ZNF804A: variants seen among roughly 807,000 people sequenced by gnomAD.
The protein encoded by ZNF804A is zinc finger protein 804A.
ZNF804A carries 2 observed loss-of-function variants against 16.5 expected under a neutral mutation model. The ratio of observed to expected loss-of-function variants is 0.12; its 90% confidence interval spans 0.05 to 0.38. The LOEUF is 0.38. ZNF804A is among the 10% of genes least tolerant of loss of function. The pLI is 0.99. For missense variants in ZNF804A, 1,473 were observed against 1,390.7 expected (o/e 1.06, Z -0.94); for synonymous variants, 534 against 489.6 (o/e 1.09, Z -1.20).
At chr2:184,859,964 A>C (rs1695770827) in intron 1 of ZNF804A, among the ~76,000 whole-genome samples, 2 of 152,180 alleles carry the variant, frequency 1.3e-5, no homozygotes. Context: ...CCCACTAGGA[A>C]GGGTTTGGCA....
chr2:184,888,484 C>T (rs1300438419), intron 2 of ZNF804A, among the ~76,000 whole-genome samples: 1 of 152,034 alleles, frequency 6.6e-6, no homozygotes, highest in African/African-American at 2.4e-5. Flanking sequence ...ATTTAGATCC[C>T]TTGCTCAATT....
intron 1 of ZNF804A, among the ~76,000 whole-genome samples, chr2:184,784,614 T>C (rs1321074398): frequency 6.6e-6 from 1 of 151,974 alleles, no homozygotes; most frequent in African/African-American, 2.4e-5. Flanking sequence ...AAGTTTGCAA[T>C]TGGACAAAAC....
At chr2:184,687,316 A>G (rs1305549471) in intron 1 of ZNF804A, among the ~76,000 whole-genome samples, 1 of 152,206 alleles carries the variant, frequency 6.6e-6, no homozygotes, top group Non-Finnish European at 1.5e-5. Flanking sequence ...GGCCTTGTCA[A>G]AGATCAGAAA....
intron 1 of ZNF804A, among the ~76,000 whole-genome samples, chr2:184,718,157 A>T (rs1022276234): frequency 2.6e-5 from 4 of 152,190 alleles, no homozygotes; most frequent in African/African-American, 9.7e-5. Context: ...GGCAGCAGAC[A>T]AGAGAAGAGG....
At chr2:184,909,577 A>G (rs1685326182) in intron 2 of ZNF804A, among the ~76,000 whole-genome samples, 1 of 152,178 alleles carries the variant, frequency 6.6e-6, no homozygotes, top group South Asian at 2.1e-4. Context: ...TAAAATGTTC[A>G]TGGTATTTAT....
rs548671806 is a variant in ZNF804A at position 184,710,482 on chromosome 2, T to C, written c.111+111412T>C. ...ACCTTATAATTTTAATCTTCATAAA[T>C]TTTACCCTTTCTTTCTTGCTTTTAT... is the stretch of plus-strand genomic sequence containing the variant. On this transcript the variant is annotated intron_variant, in intron 1 of 3. Coordinates refer to ENST00000302277, the MANE Select transcript of ZNF804A (RefSeq NM_194250.2). Among the ~76,000 whole-genome samples the C allele has an allele frequency of 2.6e-5, 4 of 151,838 alleles. 1 individual carries two copies. In the South Asian group the frequency reaches 6.2e-4, roughly 24 times the overall value.
chr2:184,620,407 C>T (rs993040134), intron 1 of ZNF804A, among the ~76,000 whole-genome samples: 1 of 151,848 alleles, frequency 6.6e-6, no homozygotes, highest in South Asian at 2.1e-4. Context: ...AAGAGGAAGA[C>T]TATCTGTGAA....
chr2:184,846,613 G>A (rs907720227), intron 1 of ZNF804A, among the ~76,000 whole-genome samples: 7 of 152,058 alleles, frequency 4.6e-5, no homozygotes, highest in South Asian at 4.2e-4. Flanking sequence ...AAATTCCCCC[G>A]ACAGCCCTGA....
At chr2:184,692,060 TTA>T (rs1379729608) in intron 1 of ZNF804A, among the ~76,000 whole-genome samples, 48 of 152,290 alleles carry the variant, frequency 3.2e-4, no homozygotes, top group African/African-American at 1.2e-3. Flanking sequence ...TTTTAAGGCT[TTA>T]TGTCTTTGTC....
At chr2:184,890,591 A>G (rs1684966018) in intron 2 of ZNF804A, among the ~76,000 whole-genome samples, 1 of 152,008 alleles carries the variant, frequency 6.6e-6, no homozygotes, top group Admixed American at 6.6e-5. Flanking sequence ...TTTTTGCTCA[A>G]TCATATATAT....
intron 1 of ZNF804A, among the ~76,000 whole-genome samples, chr2:184,764,358 T>A (rs1222740676): frequency 6.6e-6 from 1 of 152,190 alleles, no homozygotes; most frequent in African/African-American, 2.4e-5. Flanking sequence ...GTTAAAGGAC[T>A]CATAAAATAA....
At chr2:184,605,721 T>G (rs13017516) in intron 1 of ZNF804A, among the ~76,000 whole-genome samples, 7 of 152,138 alleles carry the variant, frequency 4.6e-5, no homozygotes, top group African/African-American at 1.7e-4. Context: ...TGTAAGGGAC[T>G]TGAGAATCTG....
chr2:184,746,562 C>T (rs1368438348), intron 1 of ZNF804A, among the ~76,000 whole-genome samples: 1 of 151,346 alleles, frequency 6.6e-6, no homozygotes, highest in African/African-American at 2.4e-5. Context: ...TACAATTATA[C>T]TCTTTTGGTT....
At chr2:184,815,343 G>C (rs1694966370) in intron 1 of ZNF804A, among the ~76,000 whole-genome samples, 1 of 151,866 alleles carries the variant, frequency 6.6e-6, no homozygotes, top group Non-Finnish European at 1.5e-5. Flanking sequence ...CTCACTTGGA[G>C]TTATTATTCT....
intron 1 of ZNF804A, among the ~76,000 whole-genome samples, chr2:184,761,449 G>A (rs10206254): frequency 0.14 from 21,100 of 152,040 alleles, 1,584 homozygotes; most frequent in Middle Eastern, 0.23. Context: ...CATATGCATA[G>A]GATAGTTTGA....
chr2:184,779,093 A>C (rs1020881234), intron 1 of ZNF804A, among the ~76,000 whole-genome samples: 3 of 151,728 alleles, frequency 2.0e-5, no homozygotes, highest in African/African-American at 7.2e-5. Flanking sequence ...GGCTACCATA[A>C]GACATTTTTC....
intron 1 of ZNF804A, among the ~76,000 whole-genome samples, chr2:184,692,507 C>T (rs1002016148): frequency 6.6e-5 from 10 of 152,236 alleles, no homozygotes; most frequent in East Asian, 1.9e-4. Flanking sequence ...TCCTAGTCAG[C>T]GATGCTGGAG....
chr2:184,792,694 T>G (rs1408537889), intron 1 of ZNF804A, among the ~76,000 whole-genome samples: 1 of 152,192 alleles, frequency 6.6e-6, no homozygotes, highest in African/African-American at 2.4e-5. Flanking sequence ...ATCAATAATT[T>G]TTTTACTGGA....
In ZNF804A at chr2:184,936,523, C is replaced by G. The variant is rs1244401746; in HGVS notation, c.1127C>G (p.Thr376Arg). The G allele has an allele frequency of 2.5e-6, 4 of 1,613,834 alleles. No individual in the cohort carries two copies. In the African/African-American group the frequency reaches 5.3e-5, roughly 22 times the overall value. The stretch of plus-strand genomic sequence containing the variant: ...GATTGCATATCTGTGCAAGCTACCA[C>G]AGAGGAAAATGTTAAGCATAACGAG... ...SNDCISVQAT[T>R]EENVKHNEAS... Residue 376 changes from threonine to arginine, a missense_variant, in exon 4 of 4, where the codon ACA becomes AGA. Coordinates refer to ENST00000302277, the MANE Select transcript of ZNF804A (RefSeq NM_194250.2).
Sources: allele counts gnomAD v4.1 joint callset (sites outside exome capture counted in the v4.1 genomes callset), GRCh38; gene constraint gnomAD v4.1.1; transcripts MANE v1.5; gene names NCBI Gene and HGNC (gene_info 2026-07-23, HGNC 2026-07-21).